The following HPSE2 variants were observed in gnomAD, a reference collection of about 807,000 sequenced individuals.
HPSE2 encodes heparanase 2 (inactive), also known as inactive heparanase-2.
Under a neutral mutation model 60.5 loss-of-function variants are expected in HPSE2, and 38 were observed. The observed-to-expected ratio is 0.63, with a 90% confidence interval of 0.48 to 0.82. HPSE2 has a LOEUF of 0.82. HPSE2 is among the 40% of genes least tolerant of loss of function. HPSE2 has a pLI of 0.00. For synonymous variants in HPSE2, 295 were observed against 293.2 expected, an observed-to-expected ratio of 1.01 and a Z score of -0.06; for missense variants, 713 against 740.4, an observed-to-expected ratio of 0.96 and a Z score of 0.43.
At chr10:99,191,535 A>T (rs1848222720) in intron 2 of HPSE2, among the ~76,000 whole-genome samples, 1 of 152,224 alleles carries the variant, frequency 6.6e-6, no homozygotes, top group Non-Finnish European at 1.5e-5. Flanking sequence ...CCTCTATGAC[A>T]CTGCATGAGC....
chr10:99,086,346 C>CTTTTTTTTTTTTTTTTTTTTTT (rs66562418), intron 3 of HPSE2, among the ~76,000 whole-genome samples: 1 of 83,008 alleles, frequency 1.2e-5, no homozygotes, highest in East Asian at 4.3e-4. Flanking sequence ...AAAGTACTTT[C>CTTTTTTTTTTTTTTTTTTTTTT]TTTTTTTTTT....
intron 2 of HPSE2, among the ~76,000 whole-genome samples, chr10:99,187,078 C>A (rs1848057932): frequency 6.6e-6 from 1 of 151,986 alleles, no homozygotes; most frequent in African/African-American, 2.4e-5. Flanking sequence ...GCTACCCCAC[C>A]CAGCCTCAAA....
At chr10:99,274,820 G>A in the HPSE2 span, among the ~76,000 whole-genome samples, 11 of 152,200 alleles carry the variant, frequency 7.2e-5, no homozygotes. Flanking sequence ...TAAACTGGAG[G>A]AAGTTTTCAT....
intron 3 of HPSE2, among the ~76,000 whole-genome samples, chr10:98,931,821 T>A (rs942494611): frequency 6.9e-6 from 1 of 144,114 alleles, no homozygotes; most frequent in Non-Finnish European, 1.5e-5. Flanking sequence ...TGATTTTATA[T>A]CCTGAGACTT....
chr10:98,884,158 C>A (rs2134895399), intron 3 of HPSE2, among the ~76,000 whole-genome samples: 1 of 152,222 alleles, frequency 6.6e-6, no homozygotes, highest in Admixed American at 6.5e-5. Flanking sequence ...CAAGGCCTTA[C>A]CTCTCTTTAA....
intron 9 of HPSE2, among the ~76,000 whole-genome samples, chr10:98,537,288 A>G (rs771343906): frequency 2.0e-5 from 3 of 152,250 alleles, no homozygotes; most frequent in African/African-American, 4.8e-5. Context: ...GTTTATGTCC[A>G]GCAGAAAGCT....
chr10:99,212,688 A>G (rs980793365), intron 2 of HPSE2, among the ~76,000 whole-genome samples: 2 of 152,202 alleles, frequency 1.3e-5, no homozygotes, highest in East Asian at 3.8e-4. Context: ...AATTTCAGTT[A>G]TAAAAGAATA....
chr10:98,542,257 A>G (rs1943496297), intron 9 of HPSE2, among the ~76,000 whole-genome samples: 1 of 152,212 alleles, frequency 6.6e-6, no homozygotes, highest in Non-Finnish European at 1.5e-5. Flanking sequence ...ACAGACCTGC[A>G]GCTGAGGGTC....
intron 9 of HPSE2, among the ~76,000 whole-genome samples, chr10:98,548,448 C>G (rs1943760262): frequency 6.6e-6 from 1 of 152,052 alleles, no homozygotes; most frequent in Non-Finnish European, 1.5e-5. Context: ...GAAACCCAGT[C>G]TCTACTAAAA....
chr10:99,312,736 A>G, the HPSE2 span, among the ~76,000 whole-genome samples: 1 of 152,250 alleles, frequency 6.6e-6, no homozygotes, highest in Non-Finnish European at 1.5e-5. Flanking sequence ...CAGTCTTATG[A>G]TTTAAGAAAT....
intron 3 of HPSE2, among the ~76,000 whole-genome samples, chr10:98,963,860 C>T (rs181277253): frequency 6.6e-6 from 1 of 151,914 alleles, no homozygotes; most frequent in South Asian, 2.1e-4. Context: ...TTTAGAGATG[C>T]CTTTGTAAGA....
chr10:99,208,717 G>A (rs1848851226), intron 2 of HPSE2, among the ~76,000 whole-genome samples: 1 of 151,560 alleles, frequency 6.6e-6, no homozygotes, highest in South Asian at 2.1e-4. Flanking sequence ...AAGACATAGA[G>A]TGACTGAATG....
chr10:99,135,981 T>TC, intron 3 of HPSE2, among the ~76,000 whole-genome samples: 1 of 151,698 alleles, frequency 6.6e-6, no homozygotes, highest in Admixed American at 6.6e-5. Context: ...ACAAAATACA[T>TC]AGACCACTAG....
At chr10:98,764,890 A>T (rs1301553489) in intron 3 of HPSE2, among the ~76,000 whole-genome samples, 1 of 152,108 alleles carries the variant, frequency 6.6e-6, no homozygotes, top group Non-Finnish European at 1.5e-5. Flanking sequence ...ACAAACAAAA[A>T]AACTAGAGTT....
At chr10:98,460,781 T>C (rs1304638905) in intron 11 of HPSE2, among the ~76,000 whole-genome samples, 1 of 152,202 alleles carries the variant, frequency 6.6e-6, no homozygotes, top group African/African-American at 2.4e-5. Flanking sequence ...ACTACATACA[T>C]AGCAAACTTA....
At chr10:98,842,722 G>T (rs1951945542) in intron 3 of HPSE2, among the ~76,000 whole-genome samples, 1 of 151,868 alleles carries the variant, frequency 6.6e-6, no homozygotes, top group Non-Finnish European at 1.5e-5. Context: ...AAAGTCCATG[G>T]TTTACCTTAG....
At chr10:98,600,799 T>TAC (rs1260812611) in intron 9 of HPSE2, among the ~76,000 whole-genome samples, 2 of 40,534 alleles carry the variant, frequency 4.9e-5, no homozygotes, top group Middle Eastern at 0.019. Context: ...TATGTATATA[T>TAC]ACACGTGTGT....
At chr10:98,962,404 C>T (rs1276907821) in intron 3 of HPSE2, among the ~76,000 whole-genome samples, 2 of 151,570 alleles carry the variant, frequency 1.3e-5, no homozygotes, top group Non-Finnish European at 2.9e-5. Flanking sequence ...TTGTTTGTGT[C>T]CTCTTTTATT....
chr10:98,797,598 C>A (rs996332683), intron 3 of HPSE2, among the ~76,000 whole-genome samples: 11 of 152,028 alleles, frequency 7.2e-5, no homozygotes, highest in African/African-American at 2.7e-4. Context: ...AATCCCAGCA[C>A]TTTGGGAGGC....
Sources: gnomAD v4.1 joint callset for allele counts (sites outside exome capture counted in the v4.1 genomes callset) on GRCh38, gnomAD v4.1.1 for gene constraint, MANE v1.5 for transcripts, NCBI Gene and HGNC (gene_info 2026-07-23, HGNC 2026-07-21) for gene names.